ANGPT1: variants seen among roughly 807,000 people sequenced by gnomAD.
The protein encoded by ANGPT1 is angiopoietin-1.
ANGPT1 carries 17 observed loss-of-function variants against 62.2 expected under a neutral mutation model. The observed-to-expected ratio is 0.27, with a 90% CI of 0.19 to 0.41. The LOEUF is 0.41. ANGPT1 is among the 10% of genes least tolerant of loss of function. The pLI, the probability that ANGPT1 is intolerant of heterozygous loss-of-function variation, is 1.00. For synonymous variants in ANGPT1, 199 were observed against 198.9 expected, an observed-to-expected ratio of 1.00 and a Z score of 0.00; for missense variants, 478 against 594.9, an observed-to-expected ratio of 0.80 and a Z score of 2.04.
intron 3 of ANGPT1, among the ~76,000 whole-genome samples, chr8:107,323,058 G>A (rs149566406): frequency 1.1e-4 from 16 of 152,294 alleles, no homozygotes; most frequent in Admixed American, 5.2e-4. Flanking sequence ...TGATGGTATG[G>A]TCTTCTGAAA....
intron 7 of ANGPT1, among the ~76,000 whole-genome samples, chr8:107,275,734 A>T (rs1311723594): frequency 6.6e-6 from 1 of 152,190 alleles, no homozygotes; most frequent in African/African-American, 2.4e-5. Context: ...TGGAGCCATC[A>T]TCTTTTTGAT....
In ANGPT1 at chr8:107,310,195, C is replaced by T. The variant is rs542696679; in HGVS notation, c.809-6828G>A. On this transcript the variant is annotated intron_variant, in intron 4 of 8. Transcript: ENST00000517746. ...AATTGAACACTTACTATGTGGTAAA[C>T]TCTGAATTTTGTGTGCCAAGTATGT... Among the ~76,000 whole-genome samples the T allele has an allele frequency of 2.6e-5, 4 of 152,164 alleles. No homozygotes were observed. In the South Asian group the frequency reaches 8.3e-4, roughly 32 times the overall value.
intron 1 of ANGPT1, among the ~76,000 whole-genome samples, chr8:107,426,216 G>A (rs1367192108): frequency 6.6e-6 from 1 of 152,082 alleles, no homozygotes; most frequent in East Asian, 1.9e-4. Context: ...GGATCCTGAA[G>A]GTCAGGCTTC....
chr8:107,414,091 G>T (rs545732428), intron 1 of ANGPT1, among the ~76,000 whole-genome samples: 1 of 152,222 alleles, frequency 6.6e-6, no homozygotes, highest in South Asian at 2.1e-4. Flanking sequence ...TGGGTATAGG[G>T]TTTATGATAC....
At chr8:107,483,625 C>T (rs765730008) in intron 1 of ANGPT1, among the ~76,000 whole-genome samples, 3 of 152,044 alleles carry the variant, frequency 2.0e-5, no homozygotes, top group Non-Finnish European at 4.4e-5. Context: ...AGTGATGACT[C>T]TTCCCCAGAA....
intron 1 of ANGPT1, among the ~76,000 whole-genome samples, chr8:107,414,881 A>G (rs1810695886): frequency 6.6e-6 from 1 of 152,224 alleles, no homozygotes; most frequent in Non-Finnish European, 1.5e-5. Context: ...GAAAAGTATG[A>G]CATCACTTTC....
At chr8:107,372,182 T>TATAAG (rs5893852) in intron 1 of ANGPT1, among the ~76,000 whole-genome samples, 134,829 of 151,570 alleles carry the variant, frequency 0.89, 60,210 homozygotes, top group East Asian at 0.99. Context: ...ATCCATGTGT[T>TATAAG]ATATGTAGCA....
chr8:107,428,283 A>G (rs941683540), intron 1 of ANGPT1, among the ~76,000 whole-genome samples: 1 of 152,212 alleles, frequency 6.6e-6, no homozygotes, highest in Non-Finnish European at 1.5e-5. Context: ...TCGTGTGGGT[A>G]TAATGTCTCC....
intron 1 of ANGPT1, among the ~76,000 whole-genome samples, chr8:107,393,840 G>A (rs1307648082): frequency 6.6e-6 from 1 of 152,072 alleles, no homozygotes; most frequent in Admixed American, 6.6e-5. Flanking sequence ...CAAAAAAATG[G>A]GGGATGAACC....
intron 7 of ANGPT1, among the ~76,000 whole-genome samples, chr8:107,265,110 A>G (rs1813582593): frequency 6.6e-6 from 1 of 151,676 alleles, no homozygotes; most frequent in Admixed American, 6.6e-5. Flanking sequence ...CATTCTTCGA[A>G]GAACCTCTCT....
rs575188852 is a variant in ANGPT1, at chr8:107,268,979, G to A, written c.1206-4628C>T. On this transcript the variant is annotated intron_variant, in intron 7 of 8. Coordinates refer to ENST00000517746, the MANE Select transcript of ANGPT1 (RefSeq NM_001146.5). ...TATCCTTAGCATGTCACAGAGGAGC[G>A]GCTTATGCTCTTCTAAGGAAGAGAC... Among the ~76,000 whole-genome samples, 16 of 152,104 alleles carry A rather than the reference G, an allele frequency of 1.1e-4. 1 individual carries two copies. The highest frequency in any genetic ancestry group is 1.9e-4 in the African/African-American group (8 of 41,516).
chr8:107,334,816 A>G (rs925365641), intron 3 of ANGPT1, among the ~76,000 whole-genome samples: 2 of 152,200 alleles, frequency 1.3e-5, no homozygotes, highest in Non-Finnish European at 2.9e-5. Context: ...AATAAATGGT[A>G]TATTTCAACA....
intron 8 of ANGPT1, among the ~76,000 whole-genome samples, chr8:107,263,402 A>AATT (rs1392928791): frequency 4.0e-5 from 6 of 151,426 alleles, no homozygotes; most frequent in Non-Finnish European, 8.8e-5. Context: ...AAACTCATAA[A>AATT]ATTAAAACAA....
intron 1 of ANGPT1, among the ~76,000 whole-genome samples, chr8:107,478,251 A>C (rs1250031140): frequency 6.4e-5 from 5 of 78,098 alleles, no homozygotes; most frequent in Non-Finnish European, 1.3e-4. Context: ...ATACCTATTC[A>C]AAAAAAAAAA....
At chr8:107,352,723 G>T (rs1281266082) in intron 1 of ANGPT1, among the ~76,000 whole-genome samples, 1 of 151,986 alleles carries the variant, frequency 6.6e-6, no homozygotes, top group African/African-American at 2.4e-5. Context: ...ATTGACAAAG[G>T]CATTGTTCAC....
intron 4 of ANGPT1, among the ~76,000 whole-genome samples, chr8:107,312,314 G>A (rs1032464046): frequency 6.6e-6 from 1 of 151,856 alleles, no homozygotes; most frequent in South Asian, 2.1e-4. Flanking sequence ...CTTTTTTTCA[G>A]CCTGGCTAAA....
intron 1 of ANGPT1, among the ~76,000 whole-genome samples, chr8:107,415,379 A>C (rs1221432186): frequency 1.3e-5 from 2 of 152,160 alleles, no homozygotes; most frequent in South Asian, 4.1e-4. Context: ...TTCTACCCTA[A>C]GTGGAAACCA....
At chr8:107,389,237 C>T (rs916466912) in intron 1 of ANGPT1, among the ~76,000 whole-genome samples, 1 of 152,162 alleles carries the variant, frequency 6.6e-6, no homozygotes, top group Admixed American at 6.6e-5. Context: ...AAAATGAGGA[C>T]AACATGTTTT....
intron 1 of ANGPT1, among the ~76,000 whole-genome samples, chr8:107,430,831 T>C (rs1222948364): frequency 6.6e-6 from 1 of 152,224 alleles, no homozygotes; most frequent in Non-Finnish European, 1.5e-5. Flanking sequence ...TTTGAGACAA[T>C]GTGTTACAGC....
Sources: allele counts gnomAD v4.1 joint callset (sites outside exome capture counted in the v4.1 genomes callset), GRCh38; gene constraint gnomAD v4.1.1; transcripts MANE v1.5; gene names NCBI Gene and HGNC (gene_info 2026-07-23, HGNC 2026-07-21).